The following RAPGEF2 variants were observed in gnomAD, a reference collection of about 807,000 sequenced individuals.
RAPGEF2 encodes the protein PDZ domain containing guanine nucleotide exchange factor (GEF) 1.
RAPGEF2 carries 54 observed loss-of-function variants against 186.7 expected under a neutral mutation model. The observed-to-expected ratio is 0.29, with a 90% confidence interval of 0.23 to 0.36. The LOEUF (loss-of-function observed/expected upper bound fraction) is 0.36. Among genes scored for constraint, RAPGEF2 ranks in the 10% least tolerant of loss-of-function variants. The pLI is 1.00. For synonymous variants in RAPGEF2, 712 were observed against 705.9 expected, an observed-to-expected ratio of 1.01 and a Z score of -0.14; for missense variants, 1,532 against 2,045.0, an observed-to-expected ratio of 0.75 and a Z score of 4.84.
intron 1 of RAPGEF2, among the ~76,000 whole-genome samples, chr4:159,160,408 A>G (rs1367769980): frequency 6.6e-6 from 1 of 152,234 alleles, no homozygotes; most frequent in African/African-American, 2.4e-5. Context: ...AAGGTCATAC[A>G]TTACACAGTA....
intron 8 of RAPGEF2, among the ~76,000 whole-genome samples, chr4:159,308,003 G>A (rs941839438): frequency 1.2e-4 from 18 of 152,082 alleles, no homozygotes; most frequent in Admixed American, 1.2e-3. Context: ...TTGTATAATC[G>A]ATTGAGGCAT....
At chr4:159,319,763 C>A (rs1280937799) in intron 9 of RAPGEF2, among the ~76,000 whole-genome samples, 1 of 151,224 alleles carries the variant, frequency 6.6e-6, no homozygotes, top group East Asian at 1.9e-4. Context: ...TATCTTCTAT[C>A]CTGTGGTTTT....
At chr4:159,222,932 A>ATG (rs1448587963) in intron 4 of RAPGEF2, among the ~76,000 whole-genome samples, 1 of 145,560 alleles carries the variant, frequency 6.9e-6, no homozygotes, top group East Asian at 2.0e-4. Context: ...ATATATATAT[A>ATG]TATTTGAAGA....
chr4:159,323,328 A>G (rs957310172), intron 10 of RAPGEF2, 131 bp from the exon 11 acceptor site: 4 of 651,938 alleles, frequency 6.1e-6, no homozygotes, highest in Middle Eastern at 3.2e-4. Flanking sequence ...CTTGTTAAAC[A>G]GTAAACTTGA....
chr4:159,323,795 T>G (rs908009523), intron 11 of RAPGEF2, among the ~76,000 whole-genome samples, 178 bp downstream of exon 11: 1 of 151,294 alleles, frequency 6.6e-6, no homozygotes, highest in African/African-American at 2.4e-5. Flanking sequence ...CTCGGCTCAC[T>G]GCAACATCTG....
chr4:159,125,559 C>A (rs1208713754), intron 1 of RAPGEF2, among the ~76,000 whole-genome samples: 1 of 151,940 alleles, frequency 6.6e-6, no homozygotes, highest in Non-Finnish European at 1.5e-5. Flanking sequence ...GAGATTGAGA[C>A]CATCCTGGCT....
chr4:159,199,255 C>G (rs1749149479), intron 3 of RAPGEF2, among the ~76,000 whole-genome samples: 1 of 152,060 alleles, frequency 6.6e-6, no homozygotes, highest in African/African-American at 2.4e-5. Context: ...TATGTACATA[C>G]GGAGATCCTT....
chr4:159,201,458 A>T (rs759083888), intron 3 of RAPGEF2, among the ~76,000 whole-genome samples: 1 of 152,208 alleles, frequency 6.6e-6, no homozygotes, highest in Non-Finnish European at 1.5e-5. Flanking sequence ...GGCTCTTGAC[A>T]TTGAAAACCT....
chr4:159,336,564 CATT>C (rs916231670), intron 17 of RAPGEF2, among the ~76,000 whole-genome samples: 6 of 152,136 alleles, frequency 3.9e-5, no homozygotes, highest in Admixed American at 1.3e-4. Context: ...TTTATCCACT[CATT>C]AGTCGATGTG....
In RAPGEF2 at chr4:159,353,074, T is replaced by G. The variant is rs1474500000; in HGVS notation, c.4091+164T>G. Reference sequence around the variant, plus strand: ...ACAATTTCTACACTAAGTATCATGTTATTTTTGTTAAGCAGACTGCTTTTT... The same window carrying G: ...ACAATTTCTACACTAAGTATCATGTGATTTTTGTTAAGCAGACTGCTTTTT... On this transcript the variant is annotated intron_variant, in intron 27 of 29. Transcript: ENST00000691494. The surrounding 1 kb of genome is among the most constrained non-coding windows in gnomAD (Gnocchi z 4.3). 6.6e-6 allele frequency among the ~76,000 whole-genome samples: 1 copy of G among 152,262 alleles called. No individual in the cohort carries two copies. Among genetic ancestry groups the G allele is most frequent in the African/African-American group, 2.4e-5 (1 of 41,468 alleles).
chr4:159,175,726 T>C (rs576210013), intron 1 of RAPGEF2, among the ~76,000 whole-genome samples: 1 of 152,222 alleles, frequency 6.6e-6, no homozygotes, highest in Non-Finnish European at 1.5e-5. Flanking sequence ...CTTGTGGTTA[T>C]TTACAGAATT....
intron 3 of RAPGEF2, among the ~76,000 whole-genome samples, chr4:159,205,095 A>G (rs1192034918): frequency 6.6e-6 from 1 of 152,202 alleles, no homozygotes; most frequent in Non-Finnish European, 1.5e-5. Flanking sequence ...ATAGAGTTGT[A>G]CTTTTTTTCC....
chr4:159,281,085 G>A (rs979025859), intron 7 of RAPGEF2, among the ~76,000 whole-genome samples: 71 of 151,462 alleles, frequency 4.7e-4, no homozygotes, highest in African/African-American at 1.6e-3. Context: ...TCCGCCTCCC[G>A]GGTTCAAGCG....
At chr4:159,318,519 T>A (rs1056794536) in intron 9 of RAPGEF2, among the ~76,000 whole-genome samples, 1 of 152,222 alleles carries the variant, frequency 6.6e-6, no homozygotes, top group East Asian at 1.9e-4. Flanking sequence ...TTTGAACATA[T>A]TTTTGCGAGC....
chr4:159,307,071 C>T (rs776366893), intron 8 of RAPGEF2, among the ~76,000 whole-genome samples: 4 of 152,040 alleles, frequency 2.6e-5, no homozygotes, highest in African/African-American at 7.2e-5. Flanking sequence ...CATTATGTTA[C>T]TATTGGATTG....
intron 8 of RAPGEF2, among the ~76,000 whole-genome samples, chr4:159,309,993 A>G (rs971111529): frequency 7.7e-6 from 1 of 129,520 alleles, no homozygotes; most frequent in Non-Finnish European, 1.5e-5. Context: ...TGTTTTAATA[A>G]AGGATCAAAA....
At chr4:159,345,021 T>G in intron 23 of RAPGEF2, 85 bp from the exon 24 acceptor site, 1 of 1,091,922 alleles carries the variant, frequency 9.2e-7, no homozygotes, top group Non-Finnish European at 1.4e-6. Flanking sequence ...GAACATAGAC[T>G]ATTAATATCA....
chr4:159,184,977 A>G (rs1019119811), intron 1 of RAPGEF2, among the ~76,000 whole-genome samples: 5 of 152,306 alleles, frequency 3.3e-5, no homozygotes, highest in East Asian at 1.9e-4. Flanking sequence ...CCCCAGCACC[A>G]TTTATTAAAT....
chr4:159,318,457 CATGT>C (rs1326017810), intron 9 of RAPGEF2, among the ~76,000 whole-genome samples: 3 of 152,298 alleles, frequency 2.0e-5, no homozygotes, highest in South Asian at 2.1e-4. Flanking sequence ...CACGTGCATG[CATGT>C]GAGTGTGTGC....
Sources: gnomAD v4.1 joint callset for allele counts (sites outside exome capture counted in the v4.1 genomes callset) on GRCh38, gnomAD v4.1.1 for gene constraint, Gnocchi (gnomAD v3.1) non-coding constraint, MANE v1.5 for transcripts, NCBI Gene and HGNC (gene_info 2026-07-23, HGNC 2026-07-21) for gene names.